Variants in ATP8B4 observed in about 807,000 individuals in gnomAD.
ATP8B4 encodes probable phospholipid-transporting ATPase IM.
Under a neutral mutation model 145.6 loss-of-function variants are expected in ATP8B4, and 133 were observed. That is an observed-to-expected ratio of 0.91 (90% CI 0.79 to 1.05). The LOEUF (loss-of-function observed/expected upper bound fraction) is 1.05. Ranked by LOEUF, ATP8B4 falls within the 50% of genes least tolerant of loss-of-function variation. The probability of loss-of-function intolerance (pLI) is 0.00; values close to 1 mark genes in which losing one functional copy is unlikely to be tolerated. For synonymous variants in ATP8B4, 507 were observed against 492.9 expected, an observed-to-expected ratio of 1.03 and a Z score of -0.38; for missense variants, 1,458 against 1,425.2, an observed-to-expected ratio of 1.02 and a Z score of -0.37.
At chr15:49,963,812 G>A (rs2044297981) in intron 13 of ATP8B4, among the ~76,000 whole-genome samples, 1 of 152,004 alleles carries the variant, frequency 6.6e-6, no homozygotes, top group South Asian at 2.1e-4. Flanking sequence ...TAATACCTAG[G>A]TGATGGGATG....
At chr15:50,153,329 C>G (rs1469411069) in intron 1 of ATP8B4, among the ~76,000 whole-genome samples, 2 of 144,318 alleles carry the variant, frequency 1.4e-5, no homozygotes, top group African/African-American at 5.1e-5. Flanking sequence ...TCCAGGCAAA[C>G]AAAAAGATAC....
intron 1 of ATP8B4, among the ~76,000 whole-genome samples, chr15:50,141,377 C>A (rs1250412889): frequency 1.3e-5 from 2 of 151,944 alleles, no homozygotes; most frequent in Admixed American, 1.3e-4. Flanking sequence ...GTTTTTGATT[C>A]CTATTGGAGA....
chr15:50,124,351 G>C (rs144920819), intron 1 of ATP8B4, among the ~76,000 whole-genome samples: 28 of 152,142 alleles, frequency 1.8e-4, no homozygotes, highest in African/African-American at 6.3e-4. Context: ...ATTGTTGGTA[G>C]TGCCCTTTCC....
At chr15:50,067,534 G>C (rs1187956262) in intron 3 of ATP8B4, among the ~76,000 whole-genome samples, 1 of 152,142 alleles carries the variant, frequency 6.6e-6, no homozygotes, top group African/African-American at 2.4e-5. Context: ...TGTACTTTGA[G>C]CTCTCCTTTC....
At chr15:50,149,290 G>C (rs2044316964) in intron 1 of ATP8B4, among the ~76,000 whole-genome samples, 1 of 152,212 alleles carries the variant, frequency 6.6e-6, no homozygotes, top group African/African-American at 2.4e-5. Flanking sequence ...AGACAAGAGA[G>C]AGTAAGCTAT....
chr15:50,157,954 G>A (rs1044653031), intron 1 of ATP8B4, among the ~76,000 whole-genome samples: 15 of 151,988 alleles, frequency 9.9e-5, no homozygotes, highest in Non-Finnish European at 1.2e-4. Flanking sequence ...ACGGGGTTTC[G>A]CTGTGTTGGC....
intron 15 of ATP8B4, among the ~76,000 whole-genome samples, chr15:49,932,050 ATTATAT>A (rs1461028330): frequency 1.3e-5 from 2 of 150,070 alleles, no homozygotes; most frequent in African/African-American, 2.5e-5. Context: ...ATAAAATTAT[ATTATAT>A]TTATATGTAA....
At chr15:50,020,624 T>C (rs939087500) in intron 6 of ATP8B4, among the ~76,000 whole-genome samples, 1 of 152,142 alleles carries the variant, frequency 6.6e-6, no homozygotes, top group Non-Finnish European at 1.5e-5. Context: ...AATATCTTGA[T>C]AGAATTCTGG....
intron 2 of ATP8B4, among the ~76,000 whole-genome samples, chr15:50,087,084 A>ATAT (rs2055205787): frequency 2.8e-5 from 3 of 106,866 alleles, no homozygotes; most frequent in African/African-American, 1.3e-4. Flanking sequence ...ATAGAGATCT[A>ATAT]TATTATATAT....
At chr15:50,171,015 C>A (rs569606110) in intron 1 of ATP8B4, among the ~76,000 whole-genome samples, 45 of 152,224 alleles carry the variant, frequency 3.0e-4, no homozygotes, top group African/African-American at 1.0e-3. Context: ...ATATCACAAT[C>A]CTAAATACAT....
At position 49,979,724 on chromosome 15, in the gene ATP8B4, G is replaced by A. The variant is rs149547999; in HGVS notation, c.927C>T (p.Phe309=). The part of the protein sequence containing the change: ...ESQTGDQFRT[F]LFWNEGEKSS... ...TCTTCTCTCCTTCATTCCAAAAGAGGAAAGTTCTGAATTGGTCCCCAGTTT... is the reference window on the plus strand; with the variant it reads ...TCTTCTCTCCTTCATTCCAAAAGAGAAAAGTTCTGAATTGGTCCCCAGTTT... Residue 309 remains phenylalanine, a synonymous_variant, in exon 12 of 28, where the codon TTC becomes TTT. Coordinates refer to ENST00000284509, the MANE Select transcript of ATP8B4 (RefSeq NM_024837.4). 6.2e-7 allele frequency: 1 copy of A among 1,610,016 alleles called. No individual in the cohort carries two copies. Among genetic ancestry groups the A allele is most frequent in the Non-Finnish European group, 8.5e-7 (1 of 1,176,756 alleles).
chr15:50,128,726 T>C (rs1300114652), intron 1 of ATP8B4, among the ~76,000 whole-genome samples: 3 of 152,216 alleles, frequency 2.0e-5, no homozygotes, highest in East Asian at 3.8e-4. Flanking sequence ...ACTTACCCTT[T>C]GGAGTGTGTG....
chr15:50,139,685 C>T lies in ATP8B4; in HGVS notation c.-42-32677G>A, dbSNP rs142236565. Among the ~76,000 whole-genome samples, 1,105 of 152,296 alleles carry T rather than the reference C, an allele frequency of 7.3e-3. 10 individuals are homozygous for T. Among genetic ancestry groups the T allele is most frequent in the African/African-American group, 0.026 (1,070 of 41,560 alleles). On this transcript the variant is annotated intron_variant, in intron 1 of 3. Coordinates refer to the ATP8B4 transcript ENST00000558829. ...TAATAGATCAGACTAGTAGTTCAGGCATTAAGTAGTTCTCACTGTTAACAA... is the reference window on the plus strand; with the variant it reads ...TAATAGATCAGACTAGTAGTTCAGGTATTAAGTAGTTCTCACTGTTAACAA...
At chr15:49,916,803 C>T in intron 20 of ATP8B4, 131 bp downstream of exon 20, 2 of 725,290 alleles carry the variant, frequency 2.8e-6, no homozygotes, top group East Asian at 2.9e-5. Context: ...AGGAAACATG[C>T]ACAAAGAACT....
At chr15:49,864,293 T>C (rs2032395640) in intron 26 of ATP8B4, among the ~76,000 whole-genome samples, 1 of 152,246 alleles carries the variant, frequency 6.6e-6, no homozygotes, top group Non-Finnish European at 1.5e-5. Flanking sequence ...TGCATCAATG[T>C]GGATTTGTAA....
chr15:49,887,735 G>A (rs905634406), intron 23 of ATP8B4, among the ~76,000 whole-genome samples: 8 of 151,158 alleles, frequency 5.3e-5, no homozygotes, highest in Admixed American at 2.6e-4. Flanking sequence ...AAAGCTCCTC[G>A]CTCCCTTCTT....
intron 1 of ATP8B4, among the ~76,000 whole-genome samples, chr15:50,146,295 GC>G (rs1171312574): frequency 1.3e-5 from 2 of 152,160 alleles, no homozygotes; most frequent in East Asian, 3.8e-4. Context: ...ACAGGCATGA[GC>G]CACCACGCCC....
intron 6 of ATP8B4, among the ~76,000 whole-genome samples, 163 bp downstream of exon 6, chr15:50,038,605 T>C (rs1284736483): frequency 6.6e-6 from 1 of 151,990 alleles, no homozygotes; most frequent in African/African-American, 2.4e-5. Context: ...TTGCGGAACA[T>C]AAAAGAGAGC....
intron 14 of ATP8B4, among the ~76,000 whole-genome samples, chr15:49,961,284 A>T (rs2044052120): frequency 6.6e-6 from 1 of 152,250 alleles, no homozygotes; most frequent in Non-Finnish European, 1.5e-5. Context: ...CAAAGATCAT[A>T]AACTTTGATA....
Sources: gnomAD v4.1 joint callset for allele counts (sites outside exome capture counted in the v4.1 genomes callset) on GRCh38, gnomAD v4.1.1 for gene constraint, MANE v1.5 for transcripts, NCBI Gene and HGNC (gene_info 2026-07-23, HGNC 2026-07-21) for gene names.